The following NBPF12 variants were observed in gnomAD, a reference collection of about 807,000 sequenced individuals.
NBPF12 encodes the protein NBPF family member NBPF12.
NBPF12 carries 115 observed loss-of-function variants against 146.4 expected under a neutral mutation model. The observed-to-expected ratio is 0.79, with a 90% confidence interval of 0.68 to 0.92. NBPF12 has a LOEUF of 0.92. Ranked by LOEUF, NBPF12 falls within the 40% of genes least tolerant of loss-of-function variation. NBPF12 has a pLI of 0.00. For synonymous variants in NBPF12, 385 were observed against 508.9 expected (o/e 0.76, Z 3.28); for missense variants, 1,205 against 1,326.8 (o/e 0.91, Z 1.43).
intron 11 of NBPF12, among the ~76,000 whole-genome samples, chr1:146,969,909 G>A (rs1311105864): frequency 6.6e-6 from 1 of 150,858 alleles, no homozygotes; most frequent in Non-Finnish European, 1.5e-5. Flanking sequence ...AAGAGCTCTG[G>A]GCTAAGAATG....
rs1553886737 is a variant in NBPF12 at position 146,972,657 on chromosome 1, G to C, written c.1592-94G>C. The C allele has an allele frequency of 3.5e-5, 37 of 1,068,904 alleles. 1 individual carries two copies. The highest frequency in any genetic ancestry group is 2.4e-4 in the East Asian group (10 of 42,386). 66.2% of individuals were successfully genotyped at this position (1,068,904 alleles called of 1,614,324 possible). A position where few individuals can be genotyped will look rare whatever the true frequency, so the allele number is the denominator to read the frequency against. The stretch of plus-strand genomic sequence containing the variant: ...GGGAAACAACATCTTCAAATAAGTA[G>C]ACAAGGCTACCAGTGACATCCCTCA... On this transcript the variant is annotated intron_variant, in intron 13 of 33. Transcript: ENST00000617844.
chr1:146,994,506 T>A (rs587687371), exon 34 of NBPF12: 1 of 1,609,326 alleles, frequency 6.2e-7, no homozygotes, highest in East Asian at 2.2e-5. Context: ...ACATGGACAA[T>A]AGCTTTTTTA....
At chr1:146,944,938 C>A (rs1654961023), upstream of NBPF12, among the ~76,000 whole-genome samples, 1 of 95,114 alleles carries the variant, frequency 1.1e-5, no homozygotes, top group African/African-American at 4.5e-5. Flanking sequence ...CTCCCTCCCT[C>A]CCTCCCTTCT....
chr1:146,994,572 A>T (rs112194652), exon 34 of NBPF12: 1 of 1,609,148 alleles, frequency 6.2e-7, no homozygotes, highest in South Asian at 1.1e-5. Flanking sequence ...TATTCCCACA[A>T]TAAGCAGCCC....
chr1:146,947,946 A>G (rs1315029434), upstream of NBPF12, among the ~76,000 whole-genome samples: 6 of 152,010 alleles, frequency 3.9e-5, no homozygotes, highest in Non-Finnish European at 8.8e-5. Flanking sequence ...TCTGCTATTA[A>G]AATTGAGATG....
intron 12 of NBPF12, 143 bp from the exon 16 acceptor site, chr1:146,971,040 C>T: frequency 4.6e-6 from 6 of 1,302,004 alleles, no homozygotes; most frequent in Non-Finnish European, 6.6e-6. Flanking sequence ...AAGAGGATTG[C>T]CTGTTCCCTC....
Position 146,972,736 on chromosome 1 carries a change from C to T in NBPF12, c.1592-15C>T, listed in dbSNP as rs1656737558. On this transcript the variant is annotated splice_polypyrimidine_tract_variant and intron_variant, in intron 13 of 33. Coordinates refer to ENST00000617844, the Ensembl canonical transcript of NBPF12. ...AGTTTTTAACCCATCATGTGTTTGCCTTTCTTCTCCCCAGTCCCTGGCCCC... is the reference window on the plus strand; with the variant it reads ...AGTTTTTAACCCATCATGTGTTTGCTTTTCTTCTCCCCAGTCCCTGGCCCC... The T allele has an allele frequency of 3.7e-6, 5 of 1,354,224 alleles. No individual in the cohort carries two copies. In the South Asian group the frequency reaches 4.7e-5, roughly 13 times the overall value. 83.9% of individuals were successfully genotyped at this position (1,354,224 alleles called of 1,614,324 possible). A position where few individuals can be genotyped will look rare whatever the true frequency, so the allele number is the denominator to read the frequency against.
At chr1:146,968,966 C>A in intron 10 of NBPF12, among the ~76,000 whole-genome samples, 1 of 151,526 alleles carries the variant, frequency 6.6e-6, no homozygotes. Context: ...TTCTTTTCTT[C>A]TTTCATCTTT....
chr1:146,941,637 C>T (rs1168938763), intron 1 of NBPF12, among the ~76,000 whole-genome samples: 11 of 146,236 alleles, frequency 7.5e-5, no homozygotes, highest in African/African-American at 2.8e-4. Flanking sequence ...ACCTGTAATC[C>T]CAGCTACTCA....
At chr1:146,971,923 CAA>C (rs1183344325) in intron 13 of NBPF12, among the ~76,000 whole-genome samples, 66,924 of 138,400 alleles carry the variant, frequency 0.48, 16,927 homozygotes, top group South Asian at 0.64. Context: ...ACTAAAAATA[CAA>C]AAAAAAAAAA....
intron 2 of NBPF12, among the ~76,000 whole-genome samples, chr1:146,952,357 T>C (rs1289142433): frequency 6.6e-6 from 1 of 152,082 alleles, no homozygotes; most frequent in African/African-American, 2.4e-5. Context: ...TTCTATTCTC[T>C]TGCATCGTCC....
In NBPF12 at chr1:146,984,204, G is replaced by A; in HGVS notation, c.2666+19G>A. 1 of 770,796 alleles carries A rather than the reference G, an allele frequency of 1.3e-6. No homozygotes were observed. 47.7% of individuals were successfully genotyped at this position (770,796 alleles called of 1,614,324 possible). Reference sequence around the variant, plus strand: ...GTCCCAGGTGAGTCTGAGAAATTGTGGACAGTTAATTTGATGTTGACACCT... The same window carrying A: ...GTCCCAGGTGAGTCTGAGAAATTGTAGACAGTTAATTTGATGTTGACACCT... On this transcript the variant is annotated intron_variant, in intron 21 of 33. Transcript: ENST00000617844.
upstream of NBPF12, among the ~76,000 whole-genome samples, chr1:146,944,885 TCCCTCCCTTCC>T (rs1654953791): frequency 2.0e-5 from 2 of 101,668 alleles, no homozygotes; most frequent in Middle Eastern, 4.3e-3. Context: ...CCTTCCACCC[TCCCTCCCTTCC>T]TTTCTTCCTC....
At position 146,960,642 on chromosome 1, in the gene NBPF12, G is replaced by C. The variant is rs1342082373; in HGVS notation, c.175+324G>C. ...TCCTCTCTGTACCATATAAGATCCTGCAGACAAATAACATCTAGTCTGTTG... is the reference window on the plus strand; with the variant it reads ...TCCTCTCTGTACCATATAAGATCCTCCAGACAAATAACATCTAGTCTGTTG... On this transcript the variant is annotated intron_variant, in intron 4 of 33. Coordinates refer to ENST00000617844, the Ensembl canonical transcript of NBPF12. Among the ~76,000 whole-genome samples, 5 of 152,000 alleles carry C rather than the reference G, an allele frequency of 3.3e-5. No homozygotes were observed. In the East Asian group the frequency reaches 9.7e-4, roughly 29 times the overall value.
exon 9 of NBPF12, chr1:146,966,492 C>T (rs1287549637): frequency 3.7e-5 from 53 of 1,436,998 alleles, no homozygotes; most frequent in Middle Eastern, 2.4e-4. Context: ...CTGCCACAAA[C>T]GTCAGCATGG....
exon 10 of NBPF12, chr1:146,968,476 A>C (rs1466346759): frequency 2.5e-6 from 4 of 1,610,698 alleles, no homozygotes; most frequent in Middle Eastern, 3.4e-4. Context: ...ACCTCATAAA[A>C]TCTATGCTGA....
At chr1:146,981,614 G>T (rs1323058884) in intron 19 of NBPF12, among the ~76,000 whole-genome samples, 1 of 151,788 alleles carries the variant, frequency 6.6e-6, no homozygotes, top group Non-Finnish European at 1.5e-5. Flanking sequence ...TTGTTAGGTT[G>T]GGGAAGTCCT....
chr1:146,960,926 G>A (rs1412634960), intron 4 of NBPF12, among the ~76,000 whole-genome samples: 1 of 152,112 alleles, frequency 6.6e-6, no homozygotes, highest in Non-Finnish European at 1.5e-5. Context: ...GGCGGGCAGA[G>A]CACGAGGTCA....
intron 4 of NBPF12, 62 bp from the exon 8 acceptor site, chr1:146,962,099 G>A (rs1465746110): frequency 5.9e-6 from 9 of 1,527,798 alleles, no homozygotes; most frequent in South Asian, 5.6e-5. Flanking sequence ...TGCCCTGTAG[G>A]CAGTGACCAC....
Sources: allele counts gnomAD v4.1 joint callset (sites outside exome capture counted in the v4.1 genomes callset), GRCh38; gene constraint gnomAD v4.1.1; transcripts MANE v1.5; gene names NCBI Gene and HGNC (gene_info 2026-07-23, HGNC 2026-07-21).